The following GSG1L variants were observed in gnomAD, a reference collection of about 807,000 sequenced individuals.
The protein encoded by GSG1L is germ cell-specific gene 1-like protein.
In GSG1L, 24 loss-of-function variants were observed where a neutral mutation model predicts 42.1. That is an observed-to-expected ratio of 0.57 (90% CI 0.41 to 0.80). The LOEUF (loss-of-function observed/expected upper bound fraction) is 0.80. GSG1L is among the 30% of genes least tolerant of loss of function. The probability of loss-of-function intolerance (pLI) is 0.00; values close to 1 mark genes in which losing one functional copy is unlikely to be tolerated. For missense variants in GSG1L, 445 were observed against 472.2 expected, an observed-to-expected ratio of 0.94 and a Z score of 0.53; for synonymous variants, 215 against 203.5, an observed-to-expected ratio of 1.06 and a Z score of -0.48.
chr16:27,960,549 AC>A (rs987411927), intron 2 of GSG1L, among the ~76,000 whole-genome samples: 1 of 152,082 alleles, frequency 6.6e-6, no homozygotes, highest in African/African-American at 2.4e-5. Context: ...TGGACATCCA[AC>A]CCCGCACACT....
At chr16:27,881,311 G>A (rs1644580) in intron 3 of GSG1L, among the ~76,000 whole-genome samples, 59,553 of 145,364 alleles carry the variant, frequency 0.41, 14,144 homozygotes, top group Middle Eastern at 0.52. Flanking sequence ...GTGCGATCTC[G>A]GTTCACTGCA....
At chr16:27,923,587 C>T (rs2084552765) in intron 2 of GSG1L, among the ~76,000 whole-genome samples, 1 of 151,924 alleles carries the variant, frequency 6.6e-6, no homozygotes, top group South Asian at 2.1e-4. Flanking sequence ...TCTACAAATA[C>T]AAAAATTAGC....
chr16:27,861,069 A>G (rs2083643707), intron 3 of GSG1L, among the ~76,000 whole-genome samples: 1 of 152,178 alleles, frequency 6.6e-6, no homozygotes, highest in Non-Finnish European at 1.5e-5. Flanking sequence ...TTGTAGGTCT[A>G]GAAAAGTGAA....
At chr16:28,035,151 C>T (rs1385173661) in intron 1 of GSG1L, among the ~76,000 whole-genome samples, 3 of 151,844 alleles carry the variant, frequency 2.0e-5, no homozygotes, top group African/African-American at 7.3e-5. Flanking sequence ...GGACTATGGC[C>T]ACGCACCAGC....
intron 5 of GSG1L, among the ~76,000 whole-genome samples, chr16:27,827,502 G>A (rs1259640406): frequency 6.6e-6 from 1 of 152,136 alleles, no homozygotes; most frequent in Non-Finnish European, 1.5e-5. Flanking sequence ...TTGGCACTAG[G>A]TTGGAGAGTG....
chr16:27,819,290 G>A (rs2083127276), intron 5 of GSG1L, among the ~76,000 whole-genome samples: 2 of 151,586 alleles, frequency 1.3e-5, no homozygotes, highest in South Asian at 4.2e-4. Flanking sequence ...ACACCTTGAA[G>A]TTACACTTTG....
chr16:27,901,543 T>C (rs995764252), intron 2 of GSG1L, among the ~76,000 whole-genome samples: 4 of 152,186 alleles, frequency 2.6e-5, no homozygotes, highest in Non-Finnish European at 5.9e-5. Flanking sequence ...ACAGGAGCGG[T>C]TCTCAAGTTT....
At chr16:27,914,735 T>C (rs1429172145) in intron 2 of GSG1L, among the ~76,000 whole-genome samples, 1 of 152,090 alleles carries the variant, frequency 6.6e-6, no homozygotes, top group East Asian at 1.9e-4. Flanking sequence ...GAGCCTAGCA[T>C]GTAAGTTGCA....
intron 2 of GSG1L, among the ~76,000 whole-genome samples, chr16:27,888,461 TTTC>T (rs1302368297): frequency 3.1e-4 from 5 of 16,218 alleles, no homozygotes; most frequent in African/African-American, 5.1e-4. Flanking sequence ...TCTTTCTTTC[TTTC>T]TCTCTCTCTC....
In GSG1L at chr16:27,884,307, C is replaced by T. The variant is rs2084000144; in HGVS notation, c.550+179G>A. On this transcript the variant is annotated intron_variant, in intron 3 of 6. Coordinates refer to ENST00000447459, the MANE Select transcript of GSG1L (RefSeq NM_001109763.2). This position sits in a 1 kb window ranked among gnomAD's most constrained non-coding sequence, Gnocchi z 4.4. The stretch of plus-strand genomic sequence containing the variant: ...CCTTAGTACCTGGTCTGGTGCTTAG[C>T]ATGTATTAGATGCTCAGTCAATATG... Among the ~76,000 whole-genome samples, 1 of 152,186 alleles carries T rather than the reference C, an allele frequency of 6.6e-6. No individual in the cohort carries two copies. The highest frequency in any genetic ancestry group is 2.1e-4 in the South Asian group (1 of 4,834).
intron 4 of GSG1L, among the ~76,000 whole-genome samples, chr16:27,841,396 A>G (rs1433066884): frequency 6.6e-6 from 1 of 152,190 alleles, no homozygotes; most frequent in Non-Finnish European, 1.5e-5. Flanking sequence ...TGTCCCTCTA[A>G]GAAACCGGCA....
At chr16:27,969,787 T>C (rs1567539262) in intron 1 of GSG1L, among the ~76,000 whole-genome samples, 1 of 152,354 alleles carries the variant, frequency 6.6e-6, no homozygotes, top group East Asian at 1.9e-4. Flanking sequence ...GCGACACTTT[T>C]TTCCAAAGCA....
chr16:27,962,747 C>T (rs191673497), intron 2 of GSG1L, among the ~76,000 whole-genome samples: 13 of 152,282 alleles, frequency 8.5e-5, no homozygotes, highest in African/African-American at 2.9e-4. Flanking sequence ...CAGACTGGCC[C>T]TCCCCACACC....
intron 1 of GSG1L, among the ~76,000 whole-genome samples, chr16:27,965,933 C>A (rs1226027650): frequency 6.6e-6 from 1 of 152,160 alleles, no homozygotes; most frequent in Non-Finnish European, 1.5e-5. Flanking sequence ...GCCTGCAAGA[C>A]CCTCTGTGAT....
chr16:27,975,795 C>A (rs1432803395), intron 1 of GSG1L, among the ~76,000 whole-genome samples: 2 of 152,154 alleles, frequency 1.3e-5, no homozygotes, highest in South Asian at 2.1e-4. Context: ...ACAGTTGTAT[C>A]CCATCAACAT....
intron 2 of GSG1L, among the ~76,000 whole-genome samples, chr16:27,917,386 C>T (rs1277472672): frequency 6.6e-6 from 1 of 150,814 alleles, no homozygotes; most frequent in South Asian, 2.1e-4. Flanking sequence ...GGGGGAGAAG[C>T]TGGCATAGCT....
chr16:28,052,654 C>G (rs945928778), intron 1 of GSG1L, among the ~76,000 whole-genome samples: 1 of 152,230 alleles, frequency 6.6e-6, no homozygotes, highest in African/African-American at 2.4e-5. Flanking sequence ...TAGAGCCCCC[C>G]ACTGACCTGC....
intron 1 of GSG1L, among the ~76,000 whole-genome samples, chr16:28,031,030 G>T: frequency 7.0e-6 from 1 of 143,316 alleles, no homozygotes; most frequent in Non-Finnish European, 1.5e-5. Context: ...GATTGGATGG[G>T]ATGGTATGGG....
At chr16:27,997,557 T>C (rs1305825413) in intron 1 of GSG1L, among the ~76,000 whole-genome samples, 1 of 152,012 alleles carries the variant, frequency 6.6e-6, no homozygotes, top group Non-Finnish European at 1.5e-5. Context: ...TCAAAATCCT[T>C]AATGTAATCA....
Sources: allele counts gnomAD v4.1 joint callset (sites outside exome capture counted in the v4.1 genomes callset), GRCh38; gene constraint gnomAD v4.1.1; non-coding constraint Gnocchi (gnomAD v3.1); transcripts MANE v1.5; gene names NCBI Gene and HGNC (gene_info 2026-07-23, HGNC 2026-07-21).